RAPGEF5: variants seen among roughly 807,000 people sequenced by gnomAD.
RAPGEF5 encodes the protein Rap guanine nucleotide exchange factor 5, also known as M-Ras-regulated GEF.
A neutral mutation model predicts 125.2 loss-of-function variants in RAPGEF5; 65 were observed. The ratio of observed to expected loss-of-function variants is 0.52; its 90% CI spans 0.43 to 0.64. RAPGEF5 has a LOEUF of 0.64. Ranked by LOEUF, RAPGEF5 falls within the 30% of genes least tolerant of loss-of-function variation. RAPGEF5 has a pLI of 0.00. For missense variants in RAPGEF5, 958 were observed against 1,048.1 expected, an observed-to-expected ratio of 0.91 and a Z score of 1.19; for synonymous variants, 391 against 385.9, an observed-to-expected ratio of 1.01 and a Z score of -0.16.
At chr7:22,356,309 G>A in intron 1 of RAPGEF5, 1 of 966,258 alleles carries the variant, frequency 1.0e-6, no homozygotes, top group Non-Finnish European at 1.2e-6. Flanking sequence ...CCCAGGAACT[G>A]GAAGCTCACC....
At chr7:22,128,573 A>G (rs1782818653) in intron 24 of RAPGEF5, among the ~76,000 whole-genome samples, 1 of 152,318 alleles carries the variant, frequency 6.6e-6, no homozygotes, top group East Asian at 1.9e-4. Flanking sequence ...TTCCTTGAAA[A>G]TAGTGTTTCT....
At chr7:22,267,932 G>A (rs1333692650) in intron 6 of RAPGEF5, among the ~76,000 whole-genome samples, 1 of 151,846 alleles carries the variant, frequency 6.6e-6, no homozygotes, top group Non-Finnish European at 1.5e-5. Context: ...CACTTTAAAG[G>A]GAGTTCAAGG....
chr7:22,317,011 G>A (rs1232498335), intron 2 of RAPGEF5, among the ~76,000 whole-genome samples: 1 of 149,872 alleles, frequency 6.7e-6, no homozygotes, highest in African/African-American at 2.5e-5. Context: ...CAACAAGCCA[G>A]ATGACAGAAA....
At chr7:22,253,451 C>G (rs1247965666) in intron 7 of RAPGEF5, among the ~76,000 whole-genome samples, 1 of 152,144 alleles carries the variant, frequency 6.6e-6, no homozygotes, top group Non-Finnish European at 1.5e-5. Context: ...GGATCCTGGT[C>G]CATCCTTTGA....
At chr7:22,266,894 C>T in intron 7 of RAPGEF5, 70 bp downstream of exon 7, 1 of 1,461,092 alleles carries the variant, frequency 6.8e-7, no homozygotes, top group South Asian at 1.2e-5. Context: ...CAACTGCACA[C>T]TACCAGATGA....
At chr7:22,239,023 T>C (rs961828002) in intron 7 of RAPGEF5, among the ~76,000 whole-genome samples, 4 of 152,222 alleles carry the variant, frequency 2.6e-5, no homozygotes, top group Non-Finnish European at 2.9e-5. Context: ...AAGCATGAAC[T>C]GACTTAGATT....
intron 23 of RAPGEF5, among the ~76,000 whole-genome samples, chr7:22,133,799 T>C (rs182521908): frequency 6.6e-6 from 1 of 152,278 alleles, no homozygotes; most frequent in Admixed American, 6.5e-5. Context: ...ATTCGTCCCT[T>C]TCTGACCAAG....
At chr7:22,332,195 A>T (rs756223383) in intron 1 of RAPGEF5, among the ~76,000 whole-genome samples, 3 of 152,220 alleles carry the variant, frequency 2.0e-5, no homozygotes, top group Admixed American at 6.5e-5. Context: ...AAAGTTAACT[A>T]AAAACAAAAC....
intron 5 of RAPGEF5, among the ~76,000 whole-genome samples, chr7:22,307,915 G>C (rs1783378781): frequency 6.6e-6 from 1 of 152,132 alleles, no homozygotes; most frequent in Non-Finnish European, 1.5e-5. Context: ...TTCATGTGAT[G>C]ATTCACGTGT....
At chr7:22,218,273 A>G (rs1196836284) in intron 9 of RAPGEF5, among the ~76,000 whole-genome samples, 1 of 152,204 alleles carries the variant, frequency 6.6e-6, no homozygotes, top group Non-Finnish European at 1.5e-5. Flanking sequence ...CTTTTTAATA[A>G]GTGCAAAGTT....
At chr7:22,146,060 C>T (rs1783430742) in intron 19 of RAPGEF5, among the ~76,000 whole-genome samples, 1 of 152,078 alleles carries the variant, frequency 6.6e-6, no homozygotes, top group South Asian at 2.1e-4. Flanking sequence ...AGTCTACTAA[C>T]ACTTCCAAAG....
At chr7:22,215,089 G>A (rs553818029) in intron 9 of RAPGEF5, among the ~76,000 whole-genome samples, 4 of 152,012 alleles carry the variant, frequency 2.6e-5, no homozygotes, top group South Asian at 2.1e-4. Flanking sequence ...ATGCTGAGTC[G>A]TTCCTCATTA....
chr7:22,240,808 A>T (rs1170013264), intron 7 of RAPGEF5, among the ~76,000 whole-genome samples: 1 of 152,192 alleles, frequency 6.6e-6, no homozygotes, highest in East Asian at 1.9e-4. Context: ...ATTCACTTAA[A>T]AAGATCCTAG....
At chr7:22,140,184 A>C in intron 20 of RAPGEF5, 69 bp from the exon 21 acceptor site, 2 of 1,403,804 alleles carry the variant, frequency 1.4e-6, no homozygotes, top group Non-Finnish European at 2.0e-6. Flanking sequence ...ACAAAAGATA[A>C]AGCTGAAAAG....
At chr7:22,278,178 A>G (rs1782599998) in intron 6 of RAPGEF5, among the ~76,000 whole-genome samples, 1 of 152,108 alleles carries the variant, frequency 6.6e-6, no homozygotes, top group Admixed American at 6.5e-5. Flanking sequence ...CCCCAAATTC[A>G]TCTCAAATTA....
chr7:22,295,794 G>A (rs1046781969), intron 5 of RAPGEF5, among the ~76,000 whole-genome samples: 4 of 151,972 alleles, frequency 2.6e-5, no homozygotes, highest in African/African-American at 7.3e-5. Context: ...TTACCCACAC[G>A]GTATTTCCTC....
intron 1 of RAPGEF5, among the ~76,000 whole-genome samples, chr7:22,335,617 C>G (rs1400651802): frequency 6.6e-6 from 1 of 150,958 alleles, no homozygotes; most frequent in Non-Finnish European, 1.5e-5. Flanking sequence ...CGTATCAACT[C>G]TAGGGTGGGG....
chr7:22,341,233 T>C (rs1040373698), intron 1 of RAPGEF5, among the ~76,000 whole-genome samples: 3 of 152,218 alleles, frequency 2.0e-5, no homozygotes, highest in Non-Finnish European at 2.9e-5. Context: ...AAAGAGCTTG[T>C]GCAGGGAAAC....
chr7:22,206,072 C>T (rs1785390187), intron 9 of RAPGEF5, among the ~76,000 whole-genome samples: 1 of 152,148 alleles, frequency 6.6e-6, no homozygotes, highest in African/African-American at 2.4e-5. Context: ...AGAAAGAGTT[C>T]AACACTCAAA....
Sources: gnomAD v4.1 joint callset for allele counts (sites outside exome capture counted in the v4.1 genomes callset) on GRCh38, gnomAD v4.1.1 for gene constraint, MANE v1.5 for transcripts, NCBI Gene and HGNC (gene_info 2026-07-23, HGNC 2026-07-21) for gene names.